The following RNF220 variants were observed in gnomAD, a reference collection of about 807,000 sequenced individuals.
RNF220 encodes E3 ubiquitin-protein ligase RNF220.
RNF220 carries 7 observed loss-of-function variants against 67.1 expected under a neutral mutation model. The ratio of observed to expected loss-of-function variants is 0.10; its 90% confidence interval spans 0.06 to 0.20. RNF220 has a LOEUF of 0.20. Ranked by LOEUF, RNF220 falls within the 10% of genes least tolerant of loss-of-function variation. RNF220 has a pLI of 1.00. For missense variants in RNF220, 565 were observed against 740.3 expected (o/e 0.76, Z 2.75); for synonymous variants, 270 against 283.2 (o/e 0.95, Z 0.47).
rs1272972570 is a variant in RNF220 at position 44,588,228 on chromosome 1, C to T, written c.626-25937C>T. On this transcript the variant is annotated intron_variant, in intron 2 of 14. Transcript: ENST00000361799. ...TGATCTCTGGGAGCCGGGCTGTTCT[C>T]AGCAGGACGGCAGCTCCCATGGAGG... 2.0e-5 allele frequency among the ~76,000 whole-genome samples: 3 copies of T among 152,250 alleles called. No homozygotes were observed. The South Asian group carries it at 6.2e-4, about 31-fold the overall frequency.
At chr1:44,599,090 A>C (rs555041998) in intron 2 of RNF220, among the ~76,000 whole-genome samples, 1 of 152,146 alleles carries the variant, frequency 6.6e-6, no homozygotes, top group Non-Finnish European at 1.5e-5. Context: ...TGAGTGTTCC[A>C]GGATGAATCA....
intron 2 of RNF220, among the ~76,000 whole-genome samples, chr1:44,577,906 A>T (rs1261825569): frequency 6.6e-6 from 1 of 150,594 alleles, no homozygotes; most frequent in Non-Finnish European, 1.5e-5. Context: ...GCATGATCAC[A>T]GCTCACTGCA....
rs1469236451 is a variant in RNF220 at position 44,649,505 on chromosome 1, G to A, written c.1446-156G>A. 1.5e-6 allele frequency: 1 copy of A among 669,236 alleles called. No homozygotes were observed. Among genetic ancestry groups the A allele is most frequent in the Non-Finnish European group, 2.6e-6 (1 of 379,410 alleles). 41.5% of individuals were successfully genotyped at this position (669,236 alleles called of 1,614,324 possible). A position where few individuals can be genotyped will look rare whatever the true frequency, so the allele number is the denominator to read the frequency against. On this transcript the variant is annotated intron_variant, in intron 12 of 14. Transcript: ENST00000361799. This position sits in a 1 kb window ranked among gnomAD's most constrained non-coding sequence, Gnocchi z 5.9. ...AGGGTGAGGAGTTTAGTTCTGGAATGTGGAATTTGCAGATTCAGGTTATCA... is the reference window on the plus strand; with the variant it reads ...AGGGTGAGGAGTTTAGTTCTGGAATATGGAATTTGCAGATTCAGGTTATCA...
At chr1:44,550,198 C>G (rs960189798) in intron 2 of RNF220, among the ~76,000 whole-genome samples, 1 of 152,230 alleles carries the variant, frequency 6.6e-6, no homozygotes, top group Non-Finnish European at 1.5e-5. Flanking sequence ...CCACAGTCCC[C>G]TTGGCAAAGC....
At chr1:44,630,308 G>C (rs13375395) in intron 5 of RNF220, among the ~76,000 whole-genome samples, 2,120 of 152,308 alleles carry the variant, frequency 0.014, 52 homozygotes, top group African/African-American at 0.049. Flanking sequence ...AAACCTCATA[G>C]CAACTGTATT....
At chr1:44,449,797 AG>A (rs1652483612) in intron 2 of RNF220, among the ~76,000 whole-genome samples, 2 of 152,350 alleles carry the variant, frequency 1.3e-5, no homozygotes, top group South Asian at 2.1e-4. Flanking sequence ...ACACATTGCT[AG>A]GTACTGAAGT....
chr1:44,523,588 A>C (rs1486740692), intron 2 of RNF220, among the ~76,000 whole-genome samples: 1 of 152,174 alleles, frequency 6.6e-6, no homozygotes. Flanking sequence ...TCATCTCTTT[A>C]CAAAATGAGG....
intron 2 of RNF220, among the ~76,000 whole-genome samples, chr1:44,434,681 C>T (rs1194043700): frequency 6.7e-6 from 1 of 150,140 alleles, no homozygotes; most frequent in Non-Finnish European, 1.5e-5. Context: ...CACACAACTG[C>T]ACTCCAGCCT....
chr1:44,598,324 C>T lies in RNF220; in HGVS notation c.626-15841C>T, dbSNP rs749464441. Among the ~76,000 whole-genome samples, 61 of 152,284 alleles carry T rather than the reference C, an allele frequency of 4.0e-4. 2 individuals carry two copies. Among genetic ancestry groups the T allele is most frequent in the Non-Finnish European group, 3.4e-4 (23 of 68,038 alleles). On this transcript the variant is annotated intron_variant, in intron 2 of 14. Transcript: ENST00000361799. Reference sequence around the variant, plus strand: ...TTGCTATTAATCACCCCTCCTGGTCCGCTAACGAGGCTAATGCGGTAAGTG... The same window carrying T: ...TTGCTATTAATCACCCCTCCTGGTCTGCTAACGAGGCTAATGCGGTAAGTG...
At chr1:44,614,803 C>T (rs1643476867) in intron 3 of RNF220, among the ~76,000 whole-genome samples, 1 of 152,122 alleles carries the variant, frequency 6.6e-6, no homozygotes, top group African/African-American at 2.4e-5. Context: ...TTGTCCCTGC[C>T]TGAAGGACTG....
At position 44,502,134 on chromosome 1, in the gene RNF220, GTCTC is replaced by G. The variant is rs5773837; in HGVS notation, c.625+89433_625+89436del. Among the ~76,000 whole-genome samples, 1,106 of 111,708 alleles carry G rather than the reference GTCTC, an allele frequency of 9.9e-3. 12 individuals carry two copies. Among genetic ancestry groups the G allele is most frequent in the East Asian group, 0.028 (121 of 4,282 alleles). The allele number at this position is 111,708 out of a possible 152,430, so 73.3% of individuals were successfully genotyped here. A position where few individuals can be genotyped will look rare whatever the true frequency, so the allele number is the denominator to read the frequency against. On this transcript the variant is annotated intron_variant, in intron 2 of 14. Transcript: ENST00000361799. ...GCTCCTGGCTGCAGTATGATCCTTT[GTCTC>G]TCTCTCTCTCTCTCTCTCTCACACA...
intron 2 of RNF220, among the ~76,000 whole-genome samples, chr1:44,534,448 A>G (rs1008338624): frequency 6.6e-6 from 1 of 152,074 alleles, no homozygotes; most frequent in East Asian, 1.9e-4. Context: ...AGCATTAGGT[A>G]TATCTCCTAA....
intron 2 of RNF220, chr1:44,419,345 C>T (rs1369194222): frequency 6.6e-6 from 1 of 152,094 alleles, no homozygotes; most frequent in African/African-American, 2.4e-5. Context: ...ACACCTTTTC[C>T]AAGAAAAGAT....
chr1:44,438,221 A>C (rs1651179712), intron 2 of RNF220, among the ~76,000 whole-genome samples: 2 of 152,124 alleles, frequency 1.3e-5, no homozygotes, highest in Non-Finnish European at 2.9e-5. Context: ...CCTGGGCTCA[A>C]GTGATCCTCA....
intron 2 of RNF220, among the ~76,000 whole-genome samples, chr1:44,543,778 G>T (rs1185389628): frequency 6.6e-6 from 1 of 152,088 alleles, no homozygotes; most frequent in African/African-American, 2.4e-5. Flanking sequence ...ATCTGGCTGT[G>T]GGGGGAGATA....
Position 44,415,379 on chromosome 1 carries a change from C to A in RNF220, c.625+2657C>A, listed in dbSNP as rs531546185. Among the ~76,000 whole-genome samples the A allele has an allele frequency of 4.0e-5, 6 of 151,178 alleles. No individual in the cohort carries two copies. The South Asian group carries it at 1.3e-3, about 32-fold the overall frequency. ...CCAAAGGGAGAGAAAGCTTCAGGGG[C>A]AGATGGGGGCAGTGACGGGGTATGG... On this transcript the variant is annotated intron_variant, in intron 2 of 14. Coordinates refer to ENST00000361799, the MANE Select transcript of RNF220 (RefSeq NM_018150.4).
rs182749506 is a variant in RNF220, at chr1:44,603,921, A to G, written c.626-10244A>G. 2.5e-4 allele frequency among the ~76,000 whole-genome samples: 38 copies of G among 152,394 alleles called. No individual in the cohort carries two copies. In the East Asian group the frequency reaches 4.0e-3, roughly 16 times the overall value. ...CCCATCAGCCTAGAAAGCAGGTAACACTGCCCTCCTTGGCAGCTCAGGATT... is the reference window on the plus strand; with the variant it reads ...CCCATCAGCCTAGAAAGCAGGTAACGCTGCCCTCCTTGGCAGCTCAGGATT... On this transcript the variant is annotated intron_variant, in intron 2 of 14. Transcript: ENST00000361799.
At chr1:44,437,935 G>A (rs1004906805) in intron 2 of RNF220, among the ~76,000 whole-genome samples, 2 of 152,070 alleles carry the variant, frequency 1.3e-5, no homozygotes, top group Admixed American at 6.6e-5. Context: ...GTAATACCTG[G>A]CCTCATGAGG....
At chr1:44,441,071 A>G (rs563687659) in intron 2 of RNF220, among the ~76,000 whole-genome samples, 2 of 152,326 alleles carry the variant, frequency 1.3e-5, no homozygotes, top group African/African-American at 2.4e-5. Flanking sequence ...CCCCTCACCT[A>G]GAACCTGTTG....
Sources: gnomAD v4.1 joint callset for allele counts (sites outside exome capture counted in the v4.1 genomes callset) on GRCh38, gnomAD v4.1.1 for gene constraint, Gnocchi (gnomAD v3.1) non-coding constraint, MANE v1.5 for transcripts, NCBI Gene and HGNC (gene_info 2026-07-23, HGNC 2026-07-21) for gene names.